ZNF581: variants seen among roughly 807,000 people sequenced by gnomAD.
ZNF581 encodes the protein zinc finger protein 581.
In ZNF581, 1 loss-of-function variant was observed where a neutral mutation model predicts 1.2. That is an observed-to-expected ratio of 0.83 (90% CI 0.30 to 3.95). The LOEUF (loss-of-function observed/expected upper bound fraction) is 3.95, where lower values mean the gene tolerates loss of function less well. Among genes scored for constraint, ZNF581 ranks in the 30% most tolerant of loss-of-function variants. The pLI is 0.18. For missense variants in ZNF581, 273 were observed against 274.6 expected (o/e 0.99, Z 0.04); for synonymous variants, 105 against 109.2 (o/e 0.96, Z 0.24).
upstream of ZNF581, chr19:55,642,863 C>T (rs1407482202): frequency 6.4e-7 from 1 of 1,570,720 alleles, no homozygotes; most frequent in Admixed American, 1.7e-5. Context: ...GGACCTCAAG[C>T]CCTTCACGTG....
upstream of ZNF581, among the ~76,000 whole-genome samples, chr19:55,639,072 A>T (rs1360475471): frequency 6.6e-6 from 1 of 151,160 alleles, no homozygotes; most frequent in Non-Finnish European, 1.5e-5. Context: ...TATATCAGGG[A>T]TCTTGGCAAG....
upstream of ZNF581, among the ~76,000 whole-genome samples, chr19:55,639,006 C>CA (rs753198174): frequency 0.85 from 74,964 of 88,142 alleles, 32,367 homozygotes; most frequent in Admixed American, 0.9. Flanking sequence ...ACTCCATCTC[C>CA]AAAAAAAAAA....
At chr19:55,639,016 A>AT (rs1441020108), upstream of ZNF581, among the ~76,000 whole-genome samples, 1 of 150,478 alleles carries the variant, frequency 6.6e-6, no homozygotes, top group Non-Finnish European at 1.5e-5. Context: ...CAAAAAAAAA[A>AT]AAAAAAAAGA....
chr19:55,642,995 G>A, upstream of ZNF581: 1 of 1,369,200 alleles, frequency 7.3e-7, no homozygotes, highest in Non-Finnish European at 9.4e-7. Context: ...CCAGGACGCC[G>A]CGGAGCTGGC....
rs778275431 is a variant in ZNF581, at chr19:55,644,226, C to T, written c.-19-327C>T. On this transcript the variant is annotated intron_variant, in intron 1 of 1. Transcript: ENST00000270451. This position sits in a 1 kb window ranked among gnomAD's most constrained non-coding sequence, Gnocchi z 4.3. ...AGGAGGGGAGGGAGAGGCCTGGAGG[C>T]CTGCGGGGTGGGGCACCCAGTGACC... Among the ~76,000 whole-genome samples, 5 of 152,014 alleles carry T rather than the reference C, an allele frequency of 3.3e-5. No homozygotes were observed. Among genetic ancestry groups the T allele is most frequent in the Non-Finnish European group, 7.4e-5 (5 of 67,986 alleles).
upstream of ZNF581, chr19:55,643,219 A>G (rs1460829319): frequency 9.5e-7 from 1 of 1,048,898 alleles, no homozygotes; most frequent in East Asian, 3.3e-5. Context: ...TGTGATGTAG[A>G]CCAAAGTCGT....
chr19:55,642,755 C>G, upstream of ZNF581: 2 of 1,537,680 alleles, frequency 1.3e-6, no homozygotes. Context: ...CGAGGCGCCC[C>G]CAGGAGAGCC....
Position 55,644,675 on chromosome 19 carries a change from C to T in ZNF581, c.104C>T (p.Pro35Leu), listed in dbSNP as rs771103810. The T allele has an allele frequency of 6.2e-7, 1 of 1,613,012 alleles. No homozygotes were observed. Among genetic ancestry groups the T allele is most frequent in the African/African-American group, 1.3e-5 (1 of 74,900 alleles). Residue 35 changes from proline (P) to leucine (L), a missense_variant, in exon 2 of 2, where the codon CCT (proline) becomes CTT (leucine). By Grantham distance (98) the Pro-to-Leu change is moderately conservative (BLOSUM62 -3). Coordinates refer to ENST00000270451, the MANE Select transcript of ZNF581 (RefSeq NM_016535.4). The surrounding 1 kb of genome is among the most constrained non-coding windows in gnomAD (Gnocchi z 4.3). ...ACTTGCCGCTCCCCAGAACCTGGAC[C>T]TTCCTCCTCCATCGGATCTCCCCAG... ...RRTCRSPEPG[P>L]SSSIGSPQAS...
At chr19:55,637,399 T>C (rs897307421), upstream of ZNF581, among the ~76,000 whole-genome samples, 2 of 152,002 alleles carry the variant, frequency 1.3e-5, no homozygotes, top group South Asian at 2.1e-4. Flanking sequence ...TAGCCGGCCA[T>C]GGTGGTGCGC....
chr19:55,644,692 T>C lies in ZNF581; in HGVS notation c.121T>C (p.Ser41Pro). Residue 41 changes from serine (S) to proline (P), a missense_variant, in exon 2 of 2, where the codon TCT becomes CCT. Coordinates refer to ENST00000270451, the MANE Select transcript of ZNF581 (RefSeq NM_016535.4). The surrounding 1 kb of genome is among the most constrained non-coding windows in gnomAD (Gnocchi z 4.3). ...PEPGPSSSIG[S>P]PQASSPPRPN... ...ACCTGGACCTTCCTCCTCCATCGGA[T>C]CTCCCCAGGCTTCATCTCCTCCAAG... 2 of 1,613,596 alleles carry C rather than the reference T, an allele frequency of 1.2e-6. No homozygotes were observed. The highest frequency in any genetic ancestry group is 1.7e-6 in the Non-Finnish European group (2 of 1,179,804).
upstream of ZNF581, among the ~76,000 whole-genome samples, chr19:55,638,635 A>G (rs547069584): frequency 6.6e-6 from 1 of 152,096 alleles, no homozygotes; most frequent in South Asian, 2.1e-4. Flanking sequence ...ATCCACCCCC[A>G]TGATCCAAAT....
chr19:55,638,894 A>G (rs1364655251), upstream of ZNF581, among the ~76,000 whole-genome samples: 4 of 148,048 alleles, frequency 2.7e-5, no homozygotes, highest in Non-Finnish European at 5.9e-5. Context: ...AATCTCAGCT[A>G]TTTGGGAGGT....
In ZNF581 at chr19:55,644,645, G is replaced by A. The variant is rs376022915; in HGVS notation, c.74G>A (p.Arg25His). 2.5e-6 allele frequency: 4 copies of A among 1,610,984 alleles called. No homozygotes were observed. The highest frequency in any genetic ancestry group is 1.1e-5 in the South Asian group (1 of 90,454). The change falls in exon 2 of 2, where the codon CGT becomes CAT. Residue 25 changes from arginine to histidine, a missense_variant. Arg to His is a conservative substitution (Grantham distance 29). Transcript: ENST00000270451. The surrounding 1 kb of genome is among the most constrained non-coding windows in gnomAD (Gnocchi z 4.3). ...GTTGAGACCATGGAGGGCCCTCCCC[G>A]TCGGACTTGCCGCTCCCCAGAACCT... Reference protein sequence around the residue: ...SSVETMEGPPRRTCRSPEPGP... With the variant: ...SSVETMEGPPHRTCRSPEPGP...
upstream of ZNF581, chr19:55,640,019 A>T: frequency 1.8e-6 from 1 of 555,776 alleles, no homozygotes; most frequent in Non-Finnish European, 2.3e-6. Context: ...AGAACTTTCC[A>T]CCATTGCAGA....
chr19:55,638,155 A>T (rs893387343), upstream of ZNF581, among the ~76,000 whole-genome samples: 5 of 152,154 alleles, frequency 3.3e-5, no homozygotes, highest in Admixed American at 6.6e-5. Context: ...GGAAGCTTAC[A>T]ATCATGGTGA....
upstream of ZNF581, chr19:55,643,163 T>C: frequency 8.1e-7 from 1 of 1,240,920 alleles, no homozygotes; most frequent in African/African-American, 1.6e-5. Context: ...TTTCCCCACC[T>C]TCCAAAGGGA....
chr19:55,637,235 A>C (rs1982145447), upstream of ZNF581, among the ~76,000 whole-genome samples: 1 of 152,134 alleles, frequency 6.6e-6, no homozygotes, highest in Admixed American at 6.5e-5. Flanking sequence ...GGAAATTGCC[A>C]TAGGGAAGGG....
upstream of ZNF581, chr19:55,643,088 G>A: frequency 7.5e-7 from 1 of 1,332,618 alleles, no homozygotes; most frequent in Non-Finnish European, 9.6e-7. Flanking sequence ...GACCCACACA[G>A]CGTCACTCAC....
At chr19:55,640,982 C>A, upstream of ZNF581, 2 of 985,400 alleles carry the variant, frequency 2.0e-6, no homozygotes, top group Non-Finnish European at 2.4e-6. Flanking sequence ...CCGCACTGGG[C>A]TCGCGCGCTT....
Sources: gnomAD v4.1 joint callset for allele counts (sites outside exome capture counted in the v4.1 genomes callset) on GRCh38, gnomAD v4.1.1 for gene constraint, Gnocchi (gnomAD v3.1) non-coding constraint, MANE v1.5 for transcripts, NCBI Gene and HGNC (gene_info 2026-07-23, HGNC 2026-07-21) for gene names.